The following RBM38 variants were observed in gnomAD, a reference collection of about 807,000 sequenced individuals.
The protein encoded by RBM38 is RNA binding motif protein 38, also known as RNA-binding protein 38.
Under a neutral mutation model 23.5 loss-of-function variants are expected in RBM38, and 11 were observed. That is an observed-to-expected ratio of 0.47 (90% CI 0.29 to 0.77). The LOEUF (loss-of-function observed/expected upper bound fraction) is 0.77. Ranked by LOEUF, RBM38 falls within the 30% of genes least tolerant of loss-of-function variation. The probability of loss-of-function intolerance (pLI) is 0.08; values close to 1 mark genes in which losing one functional copy is unlikely to be tolerated. For missense variants in RBM38, 330 were observed against 351.9 expected (o/e 0.94, Z 0.50); for synonymous variants, 165 against 166.1 (o/e 0.99, Z 0.05).
intron 3 of RBM38, among the ~76,000 whole-genome samples, chr20:57,399,274 G>T (rs1230341767): frequency 6.6e-6 from 1 of 152,176 alleles, no homozygotes; most frequent in Non-Finnish European, 1.5e-5. Flanking sequence ...GAGGAGGGAT[G>T]GGTCAGTCTG....
At chr20:57,393,357 G>T (rs757423951) in intron 3 of RBM38, 24 bp downstream of exon 3, 1 of 1,612,456 alleles carries the variant, frequency 6.2e-7, no homozygotes, top group African/African-American at 1.3e-5. Context: ...GCTGGCTTGG[G>T]GTGGGTAGTC....
chr20:57,392,421 C>T (rs2067229393), intron 1 of RBM38: 2 of 1,527,750 alleles, frequency 1.3e-6, no homozygotes, highest in African/African-American at 1.4e-5. Flanking sequence ...CCTTGAAGGC[C>T]ACATTTCCCA....
chr20:57,400,331 C>T (rs144492289), intron 3 of RBM38, among the ~76,000 whole-genome samples: 5 of 152,100 alleles, frequency 3.3e-5, no homozygotes, highest in African/African-American at 1.2e-4. Context: ...CACGTGTGAA[C>T]GGGAAGGGAG....
intron 1 of RBM38, 75 bp downstream of exon 1, chr20:57,391,893 G>GGCACACGC (rs1284613667): frequency 8.8e-7 from 1 of 1,135,206 alleles, no homozygotes; most frequent in African/African-American, 1.7e-5. Context: ...TCCACTCCGG[G>GGCACACGC]GCACACGCCC....
chr20:57,404,634 A>G (rs1343201576), intron 3 of RBM38, among the ~76,000 whole-genome samples: 2 of 151,854 alleles, frequency 1.3e-5, no homozygotes, highest in Admixed American at 1.3e-4. Context: ...GGTCTGTGCC[A>G]CCCACCGGGC....
intron 3 of RBM38, among the ~76,000 whole-genome samples, chr20:57,395,527 A>C (rs1180987072): frequency 6.6e-6 from 1 of 152,154 alleles, no homozygotes; most frequent in African/African-American, 2.4e-5. Context: ...CGCAGACTCT[A>C]TTTGTTGGTT....
chr20:57,393,433 T>A (rs1600743576), intron 3 of RBM38, 100 bp downstream of exon 3: 3 of 1,294,948 alleles, frequency 2.3e-6, no homozygotes, highest in African/African-American at 1.5e-5. Context: ...ATGACAGTTT[T>A]CAGACATTTG....
intron 3 of RBM38, among the ~76,000 whole-genome samples, chr20:57,405,202 A>G (rs1443593095): frequency 6.6e-6 from 1 of 151,240 alleles, no homozygotes; most frequent in Non-Finnish European, 1.5e-5. Flanking sequence ...TGAGCCCCCC[A>G]CTCTGGTTTA....
chr20:57,397,143 C>CGGT (rs544777025), intron 3 of RBM38, among the ~76,000 whole-genome samples: 264 of 152,322 alleles, frequency 1.7e-3, no homozygotes, highest in African/African-American at 6.1e-3. Context: ...TGAGTGAGAA[C>CGGT]GGTCACACTG....
chr20:57,395,757 G>A (rs937968603), intron 3 of RBM38, among the ~76,000 whole-genome samples: 1 of 141,456 alleles, frequency 7.1e-6, no homozygotes, highest in Non-Finnish European at 1.5e-5. Flanking sequence ...GCCCGCTGAC[G>A]GAGCTGGAGA....
chr20:57,394,144 G>A (rs1218996939), intron 3 of RBM38, among the ~76,000 whole-genome samples: 1 of 152,192 alleles, frequency 6.6e-6, no homozygotes, highest in Non-Finnish European at 1.5e-5. Context: ...CCCTTTCAGG[G>A]CATTGGCACT....
intron 3 of RBM38, among the ~76,000 whole-genome samples, chr20:57,399,478 AG>A (rs1436811581): frequency 2.6e-5 from 4 of 152,202 alleles, no homozygotes; most frequent in African/African-American, 9.7e-5. Flanking sequence ...TGGGAAAGAA[AG>A]AGGAGTCCAA....
chr20:57,394,013 A>G (rs2067248004), intron 3 of RBM38, among the ~76,000 whole-genome samples: 1 of 152,020 alleles, frequency 6.6e-6, no homozygotes, highest in Non-Finnish European at 1.5e-5. Context: ...TAAGGGATAC[A>G]AAGAGTCCTG....
At chr20:57,403,442 C>G (rs570247792) in intron 3 of RBM38, among the ~76,000 whole-genome samples, 1 of 152,160 alleles carries the variant, frequency 6.6e-6, no homozygotes, top group East Asian at 1.9e-4. Flanking sequence ...AGGTGTGGCC[C>G]GTGCTGTGCC....
At chr20:57,392,385 C>G (rs1415015196) in intron 1 of RBM38, 1 of 1,501,626 alleles carries the variant, frequency 6.7e-7, no homozygotes. Context: ...CATTTTTGCC[C>G]TATCCCCGCA....
At chr20:57,399,786 G>A (rs575201783) in intron 3 of RBM38, 15 of 424,674 alleles carry the variant, frequency 3.5e-5, no homozygotes, top group Admixed American at 2.9e-4. Context: ...CCTGCCAGGC[G>A]CCTCGGGGAC....
intron 3 of RBM38, among the ~76,000 whole-genome samples, chr20:57,394,927 C>T (rs1160973914): frequency 1.3e-5 from 2 of 152,212 alleles, no homozygotes; most frequent in South Asian, 2.1e-4. Flanking sequence ...CTCTGATCCA[C>T]ACAGCTACCT....
At chr20:57,399,626 C>T (rs1404490039) in intron 3 of RBM38, among the ~76,000 whole-genome samples, 1 of 152,202 alleles carries the variant, frequency 6.6e-6, no homozygotes, top group Non-Finnish European at 1.5e-5. Context: ...GATGCTGTTC[C>T]GGGCCTGGCA....
intron 2 of RBM38, 177 bp downstream of exon 2, chr20:57,392,954 A>G: frequency 3.4e-6 from 3 of 869,682 alleles, no homozygotes; most frequent in Admixed American, 5.7e-5. Flanking sequence ...CCCTTCTCAC[A>G]GCGTGTGGCC....
Sources: allele counts gnomAD v4.1 joint callset (sites outside exome capture counted in the v4.1 genomes callset), GRCh38; gene constraint gnomAD v4.1.1; transcripts MANE v1.5; gene names NCBI Gene and HGNC (gene_info 2026-07-23, HGNC 2026-07-21).